Variants in UNC13B observed in about 807,000 individuals in gnomAD.
UNC13B encodes unc-13 homolog B.
A neutral mutation model predicts 211.0 loss-of-function variants in UNC13B; 144 were observed. The ratio of observed to expected loss-of-function variants is 0.68; its 90% CI spans 0.60 to 0.78. The LOEUF (loss-of-function observed/expected upper bound fraction) is 0.78. UNC13B is among the 30% of genes least tolerant of loss of function. The pLI, the probability that UNC13B is intolerant of heterozygous loss-of-function variation, is 0.00. For missense variants in UNC13B, 1,777 were observed against 2,002.0 expected (o/e 0.89, Z 2.14); for synonymous variants, 709 against 725.8 (o/e 0.98, Z 0.37).
intron 1 of UNC13B, among the ~76,000 whole-genome samples, chr9:35,185,809 T>C (rs1284152487): frequency 2.0e-5 from 3 of 151,272 alleles, no homozygotes; most frequent in African/African-American, 7.3e-5. Context: ...TCCCAGATAC[T>C]TGGGAGGCTG....
chr9:35,301,597 C>T lies in UNC13B; in HGVS notation c.2193C>T (p.Ser731=), dbSNP rs1195195659. Residue 731 remains serine (S), a synonymous_variant, in exon 9 of 40, where the codon TCC becomes TCT. Transcript: ENST00000635942. The stretch of plus-strand genomic sequence containing the variant: ...CCACAAGTGAGAATTTGTTGTCCTC[C>T]CAAGTAACCAGTGAACCTTCAAACT... The part of the protein sequence containing the change: ...QMPTSENLLS[S]QVTSEPSNLV... 6 of 398,684 alleles carry T rather than the reference C, an allele frequency of 1.5e-5. No individual in the cohort carries two copies. Among genetic ancestry groups the T allele is most frequent in the Non-Finnish European group, 2.7e-5 (6 of 225,934 alleles). The allele number at this position is 398,684 out of a possible 1,614,324, so 24.7% of individuals were successfully genotyped here. A position where few individuals can be genotyped will look rare whatever the true frequency, so the allele number is the denominator to read the frequency against.
In UNC13B at chr9:35,228,060, T is replaced by C. The variant is rs747459901; in HGVS notation, c.52+16T>C. 1 of 1,607,730 alleles carries C rather than the reference T, an allele frequency of 6.2e-7. No individual in the cohort carries two copies. Among genetic ancestry groups the C allele is most frequent in the Non-Finnish European group, 8.5e-7 (1 of 1,177,358 alleles). On this transcript the variant is annotated intron_variant, in intron 2 of 39. Transcript: ENST00000635942. Reference sequence around the variant, plus strand: ...GGTTCACCAGGTAAGGCCAGCTTTCTATTATGTCTTTTCCTCTTGTATTTG... The same window carrying C: ...GGTTCACCAGGTAAGGCCAGCTTTCCATTATGTCTTTTCCTCTTGTATTTG...
At position 35,400,405 on chromosome 9, in the gene UNC13B, C is replaced by G. The variant is rs537245832; in HGVS notation, c.12446C>G (p.Thr4149Ser). ...TCTCTGTACACACAGACTACTGACA[C>G]TCTCATCAAGACCTTTGTGCGCTCG... Reference protein sequence around the residue: ...ALSLYTQTTDTLIKTFVRSQT... With the variant: ...ALSLYTQTTDSLIKTFVRSQT... The change falls in exon 37 of 40, where the codon ACT becomes AGT. Residue 4149 changes from threonine (T) to serine (S), a missense_variant. Transcript: ENST00000635942. 5.3e-5 allele frequency: 86 copies of G among 1,614,042 alleles called. 2 individuals are homozygous for G. In the South Asian group the frequency reaches 9.1e-4, roughly 17 times the overall value.
intron 7 of UNC13B, among the ~76,000 whole-genome samples, chr9:35,293,738 CA>C (rs1290254945): frequency 6.6e-6 from 1 of 152,144 alleles, no homozygotes; most frequent in Non-Finnish European, 1.5e-5. Flanking sequence ...GCTTTGTAAG[CA>C]GAATGCTTTG....
chr9:35,348,970 T>G (rs1832541441), intron 11 of UNC13B, among the ~76,000 whole-genome samples: 1 of 152,060 alleles, frequency 6.6e-6, no homozygotes, highest in Non-Finnish European at 1.5e-5. Flanking sequence ...CAGGCTGGAG[T>G]GCAGTGGTGC....
Position 35,301,241 on chromosome 9 carries a change from CAT to C in UNC13B, c.1839_1840del (p.His613GlnfsTer5), listed in dbSNP as rs1461917830. The C allele has an allele frequency of 2.5e-6, 1 of 398,692 alleles. No individual in the cohort carries two copies. The highest frequency in any genetic ancestry group is 4.4e-6 in the Non-Finnish European group (1 of 225,936). 24.7% of individuals were successfully genotyped at this position (398,692 alleles called of 1,614,324 possible). ...AGATGATAATGTGAATATAGACAGA[CAT>C]AGAAAAACCTCTGAAAATGAGCACA... is the stretch of plus-strand genomic sequence containing the variant. ...QKDDNVNIDR[H>X]RKTSENEHMG... On this transcript the variant is annotated frameshift_variant, in exon 9 of 40. Transcript: ENST00000635942. LOFTEE classifies it high-confidence loss of function.
intron 7 of UNC13B, among the ~76,000 whole-genome samples, chr9:35,264,607 T>C (rs1245966218): frequency 6.6e-6 from 1 of 152,176 alleles, no homozygotes; most frequent in Non-Finnish European, 1.5e-5. Context: ...GAATCTGTGC[T>C]ATTTTCCAGG....
intron 11 of UNC13B, among the ~76,000 whole-genome samples, chr9:35,364,267 A>G (rs548028538): frequency 7.6e-6 from 1 of 130,784 alleles, no homozygotes; most frequent in South Asian, 2.1e-4. Flanking sequence ...GAAATGGGAA[A>G]AGGATGACTG....
At chr9:35,343,262 A>G (rs1832126806) in intron 11 of UNC13B, among the ~76,000 whole-genome samples, 1 of 152,250 alleles carries the variant, frequency 6.6e-6, no homozygotes, top group African/African-American at 2.4e-5. Flanking sequence ...TAAAATAGGA[A>G]TCATATAAAC....
At chr9:35,377,093 G>A (rs1834469260) in intron 15 of UNC13B, among the ~76,000 whole-genome samples, 1 of 152,168 alleles carries the variant, frequency 6.6e-6, no homozygotes, top group Non-Finnish European at 1.5e-5. Flanking sequence ...TTATCCCAAG[G>A]ACAGCTATGA....
At chr9:35,233,076 A>G (rs1170484264) in intron 3 of UNC13B, among the ~76,000 whole-genome samples, 1 of 152,182 alleles carries the variant, frequency 6.6e-6, no homozygotes, top group Non-Finnish European at 1.5e-5. Flanking sequence ...TCTCAGTGAC[A>G]GTGATATGAG....
At chr9:35,295,971 A>G in intron 8 of UNC13B, 41 bp downstream of exon 8, 2 of 1,538,168 alleles carry the variant, frequency 1.3e-6, no homozygotes, top group Non-Finnish European at 1.8e-6. Flanking sequence ...CCTAATATCC[A>G]GGTCTCATGA....
intron 4 of UNC13B, among the ~76,000 whole-genome samples, chr9:35,237,440 A>T (rs1825574713): frequency 6.6e-6 from 1 of 152,162 alleles, no homozygotes; most frequent in Non-Finnish European, 1.5e-5. Context: ...AGAGGTACTT[A>T]GTTTTAGAGT....
chr9:35,227,444 C>T (rs1197216200), intron 1 of UNC13B, among the ~76,000 whole-genome samples: 1 of 152,020 alleles, frequency 6.6e-6, no homozygotes, highest in Admixed American at 6.6e-5. Context: ...CATGTATGGT[C>T]TTTGACCTTT....
rs373846094 is a variant in UNC13B, at chr9:35,295,831, G to T, written c.662G>T (p.Arg221Leu). The change falls in exon 8 of 40, where the codon CGA becomes CTA. Residue 221 changes from arginine to leucine, a missense_variant. Arg to Leu is a moderately radical substitution (Grantham distance 102, BLOSUM62 -2). Coordinates refer to ENST00000635942, the MANE Select transcript of UNC13B (RefSeq NM_001371189.2). ...GTGCACCAGTTCCCTGTGCCGGTGC[G>T]ATCGCCACAGCAGCTGCTACTTCAA... ...ASVHQFPVPV[R>L]SPQQLLLQGS... 3.1e-5 allele frequency: 50 copies of T among 1,613,982 alleles called. No individual in the cohort carries two copies. In the East Asian group the frequency reaches 1.1e-3, roughly 35 times the overall value.
chr9:35,268,562 T>C (rs1371652287), intron 7 of UNC13B, among the ~76,000 whole-genome samples: 1 of 152,198 alleles, frequency 6.6e-6, no homozygotes, highest in African/African-American at 2.4e-5. Context: ...GAGGTTGCGG[T>C]GAGCCAAGAT....
At chr9:35,211,348 C>CGTGT (rs368579727) in intron 1 of UNC13B, among the ~76,000 whole-genome samples, 1 of 151,724 alleles carries the variant, frequency 6.6e-6, no homozygotes, top group Non-Finnish European at 1.5e-5. Flanking sequence ...TACTTTTTAT[C>CGTGT]GTGTGTGTGT....
At chr9:35,319,655 T>A (rs1830641542) in intron 11 of UNC13B, among the ~76,000 whole-genome samples, 1 of 148,436 alleles carries the variant, frequency 6.7e-6, no homozygotes, top group Non-Finnish European at 1.5e-5. Flanking sequence ...TTTTTAAAAC[T>A]TTTTTTTTTA....
At chr9:35,236,954 C>A (rs963535432) in intron 4 of UNC13B, among the ~76,000 whole-genome samples, 6 of 152,134 alleles carry the variant, frequency 3.9e-5, no homozygotes, top group African/African-American at 1.4e-4. Context: ...CCTTAGCCAG[C>A]TGGCTGGCTA....
Sources: allele counts gnomAD v4.1 joint callset (sites outside exome capture counted in the v4.1 genomes callset), GRCh38; gene constraint gnomAD v4.1.1; transcripts MANE v1.5; gene names NCBI Gene and HGNC (gene_info 2026-07-23, HGNC 2026-07-21).